The following OLFM3 variants were observed in gnomAD, a reference collection of about 807,000 sequenced individuals.
The protein encoded by OLFM3 is olfactomedin 3.
OLFM3 carries 20 observed loss-of-function variants against 48.6 expected under a neutral mutation model. The observed-to-expected ratio is 0.41, with a 90% CI of 0.29 to 0.60. The LOEUF (loss-of-function observed/expected upper bound fraction) is 0.60, where lower values mean the gene tolerates loss of function less well. Ranked by LOEUF, OLFM3 falls within the 20% of genes least tolerant of loss-of-function variation. The pLI, the probability that OLFM3 is intolerant of heterozygous loss-of-function variation, is 0.28. For synonymous variants in OLFM3, 222 were observed against 198.1 expected (o/e 1.12, Z -1.01); for missense variants, 437 against 544.3 (o/e 0.80, Z 1.96).
intron 1 of OLFM3, among the ~76,000 whole-genome samples, chr1:101,892,000 T>C (rs920011872): frequency 6.6e-5 from 10 of 152,146 alleles, no homozygotes; most frequent in Middle Eastern, 3.4e-3. Flanking sequence ...GAATTAGGCA[T>C]ACTGAAGACA....
intron 1 of OLFM3, among the ~76,000 whole-genome samples, chr1:101,886,301 A>G (rs1056579094): frequency 1.3e-5 from 2 of 152,088 alleles, no homozygotes; most frequent in African/African-American, 4.8e-5. Flanking sequence ...GAAAGACTTA[A>G]GTTAACTAAT....
At chr1:101,876,979 G>T (rs947179195) in intron 1 of OLFM3, among the ~76,000 whole-genome samples, 1 of 151,950 alleles carries the variant, frequency 6.6e-6, no homozygotes, top group Non-Finnish European at 1.5e-5. Context: ...TCAACTAGAA[G>T]AAGAGAGTCC....
chr1:101,816,901 C>T (rs1654361505), intron 4 of OLFM3, among the ~76,000 whole-genome samples: 2 of 152,046 alleles, frequency 1.3e-5, no homozygotes, highest in South Asian at 4.1e-4. Context: ...TAGATGCTTC[C>T]CTTACAAATG....
At chr1:101,918,551 C>G (rs1291277777) in intron 1 of OLFM3, among the ~76,000 whole-genome samples, 2 of 121,740 alleles carry the variant, frequency 1.6e-5, no homozygotes, top group Non-Finnish European at 3.3e-5. Context: ...CTCACTCTGA[C>G]TCTCCTTCCT....
At chr1:101,808,369 T>A (rs1425366170) in intron 4 of OLFM3, among the ~76,000 whole-genome samples, 1 of 32,036 alleles carries the variant, frequency 3.1e-5, no homozygotes, top group Non-Finnish European at 7.5e-5. Context: ...TCATTAAAGA[T>A]GAAGATGGAA....
At chr1:101,852,463 T>C (rs1476883245) in intron 1 of OLFM3, among the ~76,000 whole-genome samples, 2 of 152,008 alleles carry the variant, frequency 1.3e-5, no homozygotes, top group East Asian at 3.9e-4. Context: ...CACTCACTAG[T>C]CTTCCTCCAA....
chr1:101,858,925 A>T (rs1445970436), intron 1 of OLFM3, among the ~76,000 whole-genome samples: 3 of 152,068 alleles, frequency 2.0e-5, no homozygotes, highest in African/African-American at 7.3e-5. Flanking sequence ...GATTAATTCC[A>T]TTTGGGTGGG....
At chr1:101,891,106 T>G (rs946660746) in intron 1 of OLFM3, among the ~76,000 whole-genome samples, 2 of 152,000 alleles carry the variant, frequency 1.3e-5, no homozygotes, top group Non-Finnish European at 2.9e-5. Flanking sequence ...TTCTAATTAT[T>G]TTGGTTGAAC....
chr1:101,895,873 AC>A (rs1658180235), intron 1 of OLFM3, among the ~76,000 whole-genome samples: 1 of 151,970 alleles, frequency 6.6e-6, no homozygotes, highest in South Asian at 2.1e-4. Context: ...TAAATATATT[AC>A]TTTTATTACT....
chr1:101,804,555 G>C lies in OLFM3; in HGVS notation c.1060C>G (p.Leu354Val). The change falls in exon 6 of 6, where the codon CTT becomes GTT. Residue 354 changes from leucine to valine, a missense_variant. Transcript: ENST00000370103. The surrounding 1 kb of genome is among the most constrained non-coding windows in gnomAD (Gnocchi z 4.5). ...QNAGNIVISQ[L>V]NQDTLEVMKS... ...ATCACCTCCAAGGTATCTTGGTTAA[G>C]TTGGCTGATGACAATATTGCCTGCA... 1 of 1,612,634 alleles carries C rather than the reference G, an allele frequency of 6.2e-7. No individual in the cohort carries two copies. Among genetic ancestry groups the C allele is most frequent in the Admixed American group, 1.7e-5 (1 of 59,814 alleles).
At chr1:101,996,693 G>T in intron 1 of OLFM3, 55 bp downstream of exon 1, 3 of 1,557,894 alleles carry the variant, frequency 1.9e-6, no homozygotes, top group Admixed American at 3.3e-5. Flanking sequence ...ATTTCTGTTA[G>T]GTTTGTTACA....
intron 1 of OLFM3, among the ~76,000 whole-genome samples, chr1:101,872,386 A>G (rs1018686526): frequency 2.0e-5 from 3 of 152,086 alleles, no homozygotes; most frequent in Non-Finnish European, 4.4e-5. Context: ...GAAAAAGGCT[A>G]AAGATTAATG....
chr1:101,981,337 G>A (rs1053260732), intron 1 of OLFM3, among the ~76,000 whole-genome samples: 1 of 151,914 alleles, frequency 6.6e-6, no homozygotes, highest in Non-Finnish European at 1.5e-5. Context: ...CTGTTCTAAA[G>A]GAAGTCTCTG....
In OLFM3 at chr1:101,918,563, C is replaced by CTTTT. The variant is rs55766537; in HGVS notation, c.69+78181_69+78184dup. On this transcript the variant is annotated intron_variant, in intron 1 of 5. Coordinates refer to ENST00000370103, the MANE Select transcript of OLFM3 (RefSeq NM_058170.4). ...TCTCTCACTCTGACTCTCCTTCCTC[C>CTTTT]TTTTTTTTTTTTTAACTTATAAGGT... 3.2e-3 allele frequency among the ~76,000 whole-genome samples: 454 copies of CTTTT among 142,742 alleles called. 12 individuals are homozygous for CTTTT. Among genetic ancestry groups the CTTTT allele is most frequent in the East Asian group, 0.022 (109 of 4,918 alleles). 93.6% of individuals were successfully genotyped at this position (142,742 alleles called of 152,430 possible). A position where few individuals can be genotyped will look rare whatever the true frequency, so the allele number is the denominator to read the frequency against.
At chr1:101,953,773 G>T (rs1214381833) in intron 1 of OLFM3, among the ~76,000 whole-genome samples, 2 of 152,128 alleles carry the variant, frequency 1.3e-5, no homozygotes, top group African/African-American at 4.8e-5. Flanking sequence ...AGGTAGAACA[G>T]GATGCTGGGC....
intron 1 of OLFM3, among the ~76,000 whole-genome samples, chr1:101,862,179 C>T (rs1281110910): frequency 2.6e-5 from 4 of 152,214 alleles, no homozygotes; most frequent in African/African-American, 9.6e-5. Context: ...TGAAATTTTG[C>T]ACCTGGGTTG....
At chr1:101,975,960 T>C (rs543627539) in intron 1 of OLFM3, among the ~76,000 whole-genome samples, 7 of 152,078 alleles carry the variant, frequency 4.6e-5, no homozygotes, top group Non-Finnish European at 1.0e-4. Flanking sequence ...CAGCCAACTT[T>C]TAAGGATTTT....
chr1:101,979,495 T>A (rs1033813925), intron 1 of OLFM3, among the ~76,000 whole-genome samples: 12 of 152,188 alleles, frequency 7.9e-5, no homozygotes, highest in Admixed American at 2.6e-4. Context: ...ATCTGGTATT[T>A]CCCCTGCTTT....
intron 1 of OLFM3, among the ~76,000 whole-genome samples, chr1:101,883,199 A>G (rs919269949): frequency 1.3e-5 from 2 of 151,740 alleles, no homozygotes; most frequent in Non-Finnish European, 2.9e-5. Flanking sequence ...TTACAGTTTT[A>G]AAAAAATCAA....
Sources: allele counts gnomAD v4.1 joint callset (sites outside exome capture counted in the v4.1 genomes callset), GRCh38; gene constraint gnomAD v4.1.1; non-coding constraint Gnocchi (gnomAD v3.1); transcripts MANE v1.5; gene names NCBI Gene and HGNC (gene_info 2026-07-23, HGNC 2026-07-21).